AGFG2: variants seen among roughly 807,000 people sequenced by gnomAD.
AGFG2 encodes ArfGAP with FG repeats 2.
In AGFG2, 31 loss-of-function variants were observed where a neutral mutation model predicts 48.0. The observed-to-expected ratio is 0.65, with a 90% CI of 0.49 to 0.87. AGFG2 has a LOEUF of 0.87. AGFG2 is among the 40% of genes least tolerant of loss of function. The pLI is 0.00. For missense variants in AGFG2, 599 were observed against 632.6 expected (o/e 0.95, Z 0.57); for synonymous variants, 229 against 260.8 (o/e 0.88, Z 1.18).
rs760934095 is a variant in AGFG2, at chr7:100,548,778, C to T, written c.222-44C>T. 3 of 1,485,828 alleles carry T rather than the reference C, an allele frequency of 2.0e-6. No individual in the cohort carries two copies. The Middle Eastern group carries it at 5.2e-4, about 255-fold the overall frequency. 92.0% of individuals were successfully genotyped at this position (1,485,828 alleles called of 1,614,324 possible). On this transcript the variant is annotated intron_variant, in intron 1 of 11. Coordinates refer to ENST00000300176, the MANE Select transcript of AGFG2 (RefSeq NM_006076.5). ...CTCCTCCCATGAACAGCCTGCCATG[C>T]TAACTGCATTATACTTCTCTTTCTT...
intron 4 of AGFG2, 69 bp downstream of exon 4, chr7:100,553,569 C>T: frequency 6.5e-7 from 1 of 1,534,026 alleles, no homozygotes. Context: ...TTTCCTGAAT[C>T]AGATTCCCCG....
At chr7:100,563,028 T>G in intron 9 of AGFG2, 82 bp downstream of exon 9, 1 of 1,337,930 alleles carries the variant, frequency 7.5e-7, no homozygotes, top group Non-Finnish European at 1.0e-6. Context: ...CCCTTAACCC[T>G]TTGTCTCACG....
chr7:100,557,147 G>A (rs1468148045), intron 6 of AGFG2, among the ~76,000 whole-genome samples: 2 of 151,052 alleles, frequency 1.3e-5, no homozygotes, highest in Admixed American at 6.6e-5. Flanking sequence ...GCAGCGAGCC[G>A]AGATCCTGCC....
chr7:100,550,175 C>T (rs774396608), intron 2 of AGFG2, among the ~76,000 whole-genome samples: 1 of 152,084 alleles, frequency 6.6e-6, no homozygotes, highest in East Asian at 1.9e-4. Context: ...GGCGTGGTGG[C>T]GCATGCCTAT....
rs1156813292 is a variant in AGFG2, at chr7:100,539,532, G to A, written c.186G>A (p.Val62=). 6 of 1,277,440 alleles carry A rather than the reference G, an allele frequency of 4.7e-6. No homozygotes were observed. The East Asian group carries it at 1.9e-4, about 40-fold the overall frequency. The allele number at this position is 1,277,440 out of a possible 1,614,324, so 79.1% of individuals were successfully genotyped here. A position where few individuals can be genotyped will look rare whatever the true frequency, so the allele number is the denominator to read the frequency against. ...GGGTCACCTACGTGGATATCACCGT[G>A]GGCAGCTTCGTGTGCACCACCTGCT... ...QRGVTYVDIT[V]GSFVCTTCSG... Residue 62 remains valine (V), a synonymous_variant, in exon 1 of 12, where the codon GTG becomes GTA. Coordinates refer to ENST00000300176, the MANE Select transcript of AGFG2 (RefSeq NM_006076.5).
chr7:100,554,867 G>A (rs1403097776), intron 5 of AGFG2, among the ~76,000 whole-genome samples: 1 of 151,354 alleles, frequency 6.6e-6, no homozygotes, highest in African/African-American at 2.4e-5. Context: ...GAACCTAGGA[G>A]GTGGAGGTTG....
chr7:100,554,222 A>G lies in AGFG2; in HGVS notation c.715A>G (p.Met239Val), dbSNP rs1800710879. The G allele has an allele frequency of 6.2e-7, 1 of 1,613,976 alleles. No homozygotes were observed. The highest frequency in any genetic ancestry group is 8.5e-7 in the Non-Finnish European group (1 of 1,179,944). Reference sequence around the variant, plus strand: ...TGGAGACCCCTTTGCTGCACCCCAGATGGCACCAGCTTTTGCTGCATTCCC... The same window carrying G: ...TGGAGACCCCTTTGCTGCACCCCAGGTGGCACCAGCTTTTGCTGCATTCCC... The part of the protein sequence containing the change: ...IGGDPFAAPQ[M>V]APAFAAFPAF... Residue 239 changes from methionine to valine, a missense_variant, in exon 5 of 12, where the codon ATG (methionine) becomes GTG (valine). By Grantham distance (21) the Met-to-Val change is conservative. Coordinates refer to ENST00000300176, the MANE Select transcript of AGFG2 (RefSeq NM_006076.5).
intron 1 of AGFG2, among the ~76,000 whole-genome samples, chr7:100,540,655 G>A (rs1035011102): frequency 2.6e-5 from 4 of 152,136 alleles, no homozygotes; most frequent in Admixed American, 2.6e-4. Context: ...AGTTTGTCAA[G>A]GGATTTATTT....
rs775090692 is a variant in AGFG2 at position 100,553,374 on chromosome 7, G to T, written c.459G>T (p.Gly153=). 20 of 1,613,986 alleles carry T rather than the reference G, an allele frequency of 1.2e-5. No homozygotes were observed. The highest frequency in any genetic ancestry group is 1.6e-5 in the Non-Finnish European group (19 of 1,180,012). Reference sequence around the variant, plus strand: ...ATGTCCCCCCAGACCAAGTCAAGGGGCCCACTTATACCAAAGGCAGTGCCT... The same window carrying T: ...ATGTCCCCCCAGACCAAGTCAAGGGTCCCACTTATACCAAAGGCAGTGCCT... ...RWYVPPDQVK[G]PTYTKGSAST... is the part of the protein sequence containing the mutation. The change falls in exon 4 of 12, where the codon GGG becomes GGT. Residue 153 remains glycine, a synonymous_variant. Coordinates refer to ENST00000300176, the MANE Select transcript of AGFG2 (RefSeq NM_006076.5).
intron 1 of AGFG2, among the ~76,000 whole-genome samples, chr7:100,543,883 A>G (rs1800467262): frequency 6.6e-6 from 1 of 152,222 alleles, no homozygotes; most frequent in African/African-American, 2.4e-5. Flanking sequence ...GTTTTCTTCC[A>G]GTACCTAATT....
Position 100,559,858 on chromosome 7 carries a change from A to G in AGFG2, c.878-2401A>G, listed in dbSNP as rs1051683059. ...AAAGTGCATGAAATGAAAAGCAAAC[A>G]GGAGTGCAGGTGTTTCTTGGGCCAC... On this transcript the variant is annotated intron_variant, in intron 6 of 11. Transcript: ENST00000300176. Among the ~76,000 whole-genome samples, 14 of 151,194 alleles carry G rather than the reference A, an allele frequency of 9.3e-5. 1 individual carries two copies. The South Asian group carries it at 2.9e-3, about 32-fold the overall frequency.
In AGFG2 at chr7:100,550,427, A is replaced by G. The variant is rs1212426094; in HGVS notation, c.347A>G (p.Asp116Gly). The G allele has an allele frequency of 6.9e-6, 11 of 1,601,582 alleles. No individual in the cohort carries two copies. The highest frequency in any genetic ancestry group is 8.5e-6 in the Non-Finnish European group (10 of 1,172,568). Residue 116 changes from aspartate to glycine, a missense_variant, in exon 3 of 12, where the codon GAT becomes GGT. Coordinates refer to ENST00000300176, the MANE Select transcript of AGFG2 (RefSeq NM_006076.5). ...CGGAAGATTTGGTTGGGTCTGTTTG[A>G]TGCTCGGACATCTTTAGTACCAGAT... is the stretch of plus-strand genomic sequence containing the variant. ...VCRKIWLGLF[D>G]ARTSLVPDSR...
intron 1 of AGFG2, among the ~76,000 whole-genome samples, chr7:100,540,281 A>G (rs1040608426): frequency 6.6e-6 from 1 of 152,212 alleles, no homozygotes; most frequent in Non-Finnish European, 1.5e-5. Flanking sequence ...ATGAGAGCCA[A>G]TGGGTTACCC....
At chr7:100,541,608 C>T (rs1029130820) in intron 1 of AGFG2, among the ~76,000 whole-genome samples, 1 of 151,730 alleles carries the variant, frequency 6.6e-6, no homozygotes, top group African/African-American at 2.4e-5. Flanking sequence ...ACTAAAAATA[C>T]AAAAATTAGC....
chr7:100,564,953 T>C lies in AGFG2; in HGVS notation c.1408T>C (p.Phe470Leu). Residue 470 changes from phenylalanine (F) to leucine (L), a missense_variant, in exon 12 of 12, where the codon TTC becomes CTC. Phe to Leu is a conservative substitution (Grantham distance 22, BLOSUM62 0). Transcript: ENST00000300176. ...CCAGACTGGACCCTCATCAAGCCCATTCGCCTCCAAACCTCCAACCACCAA... is the reference window on the plus strand; with the variant it reads ...CCAGACTGGACCCTCATCAAGCCCACTCGCCTCCAAACCTCCAACCACCAA... ...PFMTGPSSSP[F>L]ASKPPTTNPF... is the part of the protein sequence containing the mutation. 6.2e-7 allele frequency: 1 copy of C among 1,614,162 alleles called. No individual in the cohort carries two copies. The highest frequency in any genetic ancestry group is 8.5e-7 in the Non-Finnish European group (1 of 1,179,996).
At chr7:100,551,567 C>A (rs902274430) in intron 3 of AGFG2, among the ~76,000 whole-genome samples, 8 of 150,984 alleles carry the variant, frequency 5.3e-5, no homozygotes, top group Non-Finnish European at 4.4e-5. Context: ...ACCATGGATC[C>A]AATCAACCTC....
chr7:100,546,731 G>A (rs1335309585), intron 1 of AGFG2, among the ~76,000 whole-genome samples: 1 of 152,150 alleles, frequency 6.6e-6, no homozygotes, highest in East Asian at 1.9e-4. Flanking sequence ...GAAGGGGAAG[G>A]GCCTAGTGGT....
At chr7:100,561,452 C>T (rs1800870010) in intron 6 of AGFG2, among the ~76,000 whole-genome samples, 2 of 152,160 alleles carry the variant, frequency 1.3e-5, no homozygotes, top group Admixed American at 1.3e-4. Flanking sequence ...CATCTGGACC[C>T]TCCTTTTACA....
intron 1 of AGFG2, among the ~76,000 whole-genome samples, chr7:100,541,299 C>T (rs1800417232): frequency 6.6e-6 from 1 of 152,202 alleles, no homozygotes; most frequent in Non-Finnish European, 1.5e-5. Flanking sequence ...ATCAACCTCA[C>T]TTGTGGGTTG....
Sources: allele counts gnomAD v4.1 joint callset (sites outside exome capture counted in the v4.1 genomes callset), GRCh38; gene constraint gnomAD v4.1.1; transcripts MANE v1.5; gene names NCBI Gene and HGNC (gene_info 2026-07-23, HGNC 2026-07-21).